The following PLEKHD1 variants were observed in gnomAD, a reference collection of about 807,000 sequenced individuals.
The protein encoded by PLEKHD1 is pleckstrin homology domain-containing family D member 1.
PLEKHD1 carries 51 observed loss-of-function variants against 69.2 expected under a neutral mutation model. The observed-to-expected ratio is 0.74, with a 90% CI of 0.59 to 0.93. PLEKHD1 has a LOEUF of 0.93. PLEKHD1 is among the 40% of genes least tolerant of loss of function. The pLI, the probability that PLEKHD1 is intolerant of heterozygous loss-of-function variation, is 0.00. For synonymous variants in PLEKHD1, 236 were observed against 244.7 expected (o/e 0.96, Z 0.33); for missense variants, 584 against 641.0 (o/e 0.91, Z 0.96).
Position 69,528,453 on chromosome 14 carries a change from T to G in PLEKHD1, c.*34T>G. 3.2e-6 allele frequency: 5 copies of G among 1,541,966 alleles called. No individual in the cohort carries two copies. Among genetic ancestry groups the G allele is most frequent in the Non-Finnish European group, 4.4e-6 (5 of 1,142,786 alleles). The stretch of plus-strand genomic sequence containing the variant: ...CCTCCCCTGCTTCCCAAGTCTCCCC[T>G]GGATGGGCGGGGGAGGGGAAGGGGT... On this transcript the variant is annotated 3_prime_UTR_variant, in exon 13 of 13. Coordinates refer to ENST00000322564, the MANE Select transcript of PLEKHD1 (RefSeq NM_001161498.2).
rs371649434 is a variant in PLEKHD1, at chr14:69,489,517, C to T, written c.149+4403C>T. Among the ~76,000 whole-genome samples, 70 of 132,192 alleles carry T rather than the reference C, an allele frequency of 5.3e-4. 1 individual carries two copies. The East Asian group carries it at 6.2e-3, about 12-fold the overall frequency. 86.7% of individuals were successfully genotyped at this position (132,192 alleles called of 152,430 possible). ...GAGGTTGCAATGAGCAGAGATTGAG[C>T]CACTGCACTCCAGCCTGAGGGACAG... On this transcript the variant is annotated intron_variant, in intron 1 of 12. Coordinates refer to ENST00000322564, the MANE Select transcript of PLEKHD1 (RefSeq NM_001161498.2).
Position 69,511,826 on chromosome 14 carries a change from T to C in PLEKHD1, c.555+8947T>C, listed in dbSNP as rs184023253. ...TCGGCCTCCCAAAGTGCTAGGATTATAGGTATGATCCACTGTGACTGGCCA... is the reference window on the plus strand; with the variant it reads ...TCGGCCTCCCAAAGTGCTAGGATTACAGGTATGATCCACTGTGACTGGCCA... On this transcript the variant is annotated intron_variant, in intron 6 of 12. Coordinates refer to ENST00000322564, the MANE Select transcript of PLEKHD1 (RefSeq NM_001161498.2). 2.4e-3 allele frequency among the ~76,000 whole-genome samples: 373 copies of C among 152,330 alleles called. 2 individuals are homozygous for C. The highest frequency in any genetic ancestry group is 8.6e-3 in the African/African-American group (358 of 41,582).
chr14:69,524,046 A>T (rs946295339), intron 7 of PLEKHD1, among the ~76,000 whole-genome samples, 183 bp from the exon 8 acceptor site: 2 of 152,160 alleles, frequency 1.3e-5, no homozygotes, highest in Non-Finnish European at 2.9e-5. Context: ...TGTGGCCAGG[A>T]CTTACTTTCA....
intron 1 of PLEKHD1, among the ~76,000 whole-genome samples, chr14:69,487,566 C>T (rs1266337027): frequency 6.6e-6 from 1 of 152,202 alleles, no homozygotes; most frequent in East Asian, 1.9e-4. Flanking sequence ...AAACCTTTTC[C>T]ACTCAGGGTC....
the PLEKHD1 span, among the ~76,000 whole-genome samples, chr14:69,469,594 G>A: frequency 6.6e-6 from 1 of 151,944 alleles, no homozygotes; most frequent in African/African-American, 2.4e-5. Flanking sequence ...ATTTTTTTGT[G>A]TAGATGGGGG....
rs1883718345 is a variant in PLEKHD1 at position 69,528,558 on chromosome 14, T to G, written c.*139T>G. ...GTCTCCTCTGGGCCGGAGCTCCACTTGGGGGCCAGCCTTGCCCTCAAAGGA... is the reference window on the plus strand; with the variant it reads ...GTCTCCTCTGGGCCGGAGCTCCACTGGGGGGCCAGCCTTGCCCTCAAAGGA... On this transcript the variant is annotated 3_prime_UTR_variant, in exon 13 of 13. Coordinates refer to ENST00000322564, the MANE Select transcript of PLEKHD1 (RefSeq NM_001161498.2). The G allele has an allele frequency of 2.5e-6, 3 of 1,193,040 alleles. No homozygotes were observed. The highest frequency in any genetic ancestry group is 3.4e-6 in the Non-Finnish European group (3 of 877,112). 73.9% of individuals were successfully genotyped at this position (1,193,040 alleles called of 1,614,324 possible). A position where few individuals can be genotyped will look rare whatever the true frequency, so the allele number is the denominator to read the frequency against.
intron 6 of PLEKHD1, among the ~76,000 whole-genome samples, chr14:69,517,209 G>A (rs1883404156): frequency 1.3e-5 from 2 of 152,104 alleles, no homozygotes; most frequent in African/African-American, 4.8e-5. Flanking sequence ...ATGAGGTGAA[G>A]CATGAATCCC....
intron 6 of PLEKHD1, among the ~76,000 whole-genome samples, chr14:69,504,846 G>C (rs1398527655): frequency 6.6e-6 from 1 of 152,180 alleles, no homozygotes; most frequent in Non-Finnish European, 1.5e-5. Context: ...TCCTGTGTTA[G>C]GGTTTTGGCA....
chr14:69,500,566 T>A lies in PLEKHD1; in HGVS notation c.244-11T>A. The stretch of plus-strand genomic sequence containing the variant: ...GTGGGGTGGGGGCTGCCTGTTCTGG[T>A]TCTTCCTCAGGGCGTCATCCCTCTG... On this transcript the variant is annotated splice_polypyrimidine_tract_variant and intron_variant, in intron 2 of 12. Coordinates refer to ENST00000322564, the MANE Select transcript of PLEKHD1 (RefSeq NM_001161498.2). The A allele has an allele frequency of 2.6e-6, 4 of 1,544,380 alleles. No individual in the cohort carries two copies. The highest frequency in any genetic ancestry group is 3.5e-6 in the Non-Finnish European group (4 of 1,143,338).
At chr14:69,502,591 C>A in intron 5 of PLEKHD1, 1 of 546,204 alleles carries the variant, frequency 1.8e-6, no homozygotes, top group Non-Finnish European at 3.3e-6. Flanking sequence ...TTTGAACTTC[C>A]AAGGATGAGG....
At position 69,520,115 on chromosome 14, in the gene PLEKHD1, T is replaced by C. The variant is rs550275804; in HGVS notation, c.556-2168T>C. Among the ~76,000 whole-genome samples, 163 of 129,346 alleles carry C rather than the reference T, an allele frequency of 1.3e-3. 1 individual carries two copies. Among genetic ancestry groups the C allele is most frequent in the African/African-American group, 4.3e-3 (142 of 32,732 alleles). 84.9% of individuals were successfully genotyped at this position (129,346 alleles called of 152,430 possible). ...CAGGGAGGCGGAGTTTGCAGTGAACTGAGATCGTGCCACTGCACTCCAGCC... is the reference window on the plus strand; with the variant it reads ...CAGGGAGGCGGAGTTTGCAGTGAACCGAGATCGTGCCACTGCACTCCAGCC... On this transcript the variant is annotated intron_variant, in intron 6 of 12. Transcript: ENST00000322564.
At chr14:69,501,926 G>C (rs1293057682) in intron 5 of PLEKHD1, 101 bp downstream of exon 5, 2 of 1,088,832 alleles carry the variant, frequency 1.8e-6, no homozygotes, top group East Asian at 2.7e-5. Context: ...GGGTCTCTCA[G>C]GTGGGGCTAT....
chr14:69,527,283 G>T lies in PLEKHD1; in HGVS notation c.1152G>T (p.Arg384=), dbSNP rs1272853494. 1 of 1,551,854 alleles carries T rather than the reference G, an allele frequency of 6.4e-7. No homozygotes were observed. The highest frequency in any genetic ancestry group is 1.2e-5 in the South Asian group (1 of 84,062). Residue 384 remains arginine, a synonymous_variant, in exon 11 of 13, where the codon CGG becomes CGT. Coordinates refer to ENST00000322564, the MANE Select transcript of PLEKHD1 (RefSeq NM_001161498.2). ...AACAGGGGCTGAATTCCAAGGTGCG[G>T]AATAAGGAGAAGGAGGAGAGGATGC... ...SLEQGLNSKV[R]NKEKEERMRA...
intron 1 of PLEKHD1, among the ~76,000 whole-genome samples, chr14:69,499,393 G>C (rs941822253): frequency 1.3e-5 from 2 of 152,222 alleles, no homozygotes; most frequent in Admixed American, 6.5e-5. Flanking sequence ...TGGGCTTTGA[G>C]CGCCAATCGG....
upstream of PLEKHD1, among the ~76,000 whole-genome samples, chr14:69,481,438 T>A (rs1348679026): frequency 6.6e-6 from 1 of 152,176 alleles, no homozygotes; most frequent in Non-Finnish European, 1.5e-5. Context: ...CCTAGGTGAG[T>A]TGGCAATTGA....
intron 5 of PLEKHD1, 179 bp downstream of exon 5, chr14:69,502,004 T>C (rs1883040958): frequency 1.9e-6 from 1 of 538,546 alleles, no homozygotes; most frequent in South Asian, 2.3e-5. Flanking sequence ...TTGGCCAACA[T>C]GACTGAAGGC....
chr14:69,522,470 A>G (rs1281499035), intron 7 of PLEKHD1, 93 bp downstream of exon 7: 1 of 1,309,038 alleles, frequency 7.6e-7, no homozygotes, highest in East Asian at 2.6e-5. Flanking sequence ...TCCACCTCAG[A>G]GATGCTATCT....
chr14:69,471,185 G>A, the PLEKHD1 span, among the ~76,000 whole-genome samples: 1 of 128,670 alleles, frequency 7.8e-6, no homozygotes, highest in South Asian at 2.7e-4. Context: ...ATGGCTCACT[G>A]CACCCTCTAC....
the PLEKHD1 span, among the ~76,000 whole-genome samples, chr14:69,470,653 T>A: frequency 1.1e-4 from 16 of 152,302 alleles, no homozygotes; most frequent in Non-Finnish European, 2.2e-4. Flanking sequence ...AAGCATTAAC[T>A]TCTTGCCCAT....
Sources: allele counts gnomAD v4.1 joint callset (sites outside exome capture counted in the v4.1 genomes callset), GRCh38; gene constraint gnomAD v4.1.1; transcripts MANE v1.5; gene names NCBI Gene and HGNC (gene_info 2026-07-23, HGNC 2026-07-21).